BPTF: variants seen among roughly 807,000 people sequenced by gnomAD.
BPTF encodes the protein nucleosome-remodeling factor subunit BPTF.
In BPTF, 18 loss-of-function variants were observed where a neutral mutation model predicts 292.5. The observed-to-expected ratio is 0.06, with a 90% CI of 0.04 to 0.09. The LOEUF (loss-of-function observed/expected upper bound fraction) is 0.09, where lower values mean the gene tolerates loss of function less well. Ranked by LOEUF, BPTF falls within the 10% of genes least tolerant of loss-of-function variation. The pLI, the probability that BPTF is intolerant of heterozygous loss-of-function variation, is 1.00. For missense variants in BPTF, 2,726 were observed against 3,498.7 expected (o/e 0.78, Z 5.57); for synonymous variants, 1,225 against 1,251.9 (o/e 0.98, Z 0.45).
intron 6 of BPTF, 85 bp from the exon 7 acceptor site, chr17:67,893,949 G>T: frequency 6.6e-7 from 1 of 1,514,636 alleles, no homozygotes. Flanking sequence ...CCTGGAATCA[G>T]ATGGAGGCCA....
intron 19 of BPTF, among the ~76,000 whole-genome samples, chr17:67,942,452 A>G (rs1451541132): frequency 6.6e-6 from 1 of 152,252 alleles, no homozygotes; most frequent in Non-Finnish European, 1.5e-5. Flanking sequence ...AGAGATTGGT[A>G]CAAATTTAAA....
At chr17:67,907,358 C>CTT (rs752361872) in intron 9 of BPTF, among the ~76,000 whole-genome samples, 8 of 135,144 alleles carry the variant, frequency 5.9e-5, no homozygotes, top group African/African-American at 8.1e-5. Context: ...AAGTTTATCA[C>CTT]TTTTTTTTTT....
intron 3 of BPTF, among the ~76,000 whole-genome samples, chr17:67,872,662 C>T (rs1037923628): frequency 2.0e-5 from 3 of 151,576 alleles, no homozygotes; most frequent in Non-Finnish European, 2.9e-5. Context: ...GTCGAGATCA[C>T]GCCACTGCAC....
Position 67,874,978 on chromosome 17 carries a change from G to A in BPTF, c.1822G>A (p.Asp608Asn), listed in dbSNP as rs754868273. ...EDQSLEKDSDDKTPDDDPEQG... is the reference protein window; with the variant it reads ...EDQSLEKDSDNKTPDDDPEQG... Reference sequence around the variant, plus strand: ...CCAGTCCCTTGAAAAAGACAGTGACGACAAAACACCAGATGATGACCCTGA... The same window carrying A: ...CCAGTCCCTTGAAAAAGACAGTGACAACAAAACACCAGATGATGACCCTGA... Residue 608 changes from aspartate to asparagine, a missense_variant, in exon 4 of 28, where the codon GAC (aspartate) becomes AAC (asparagine). Around this residue, in one of 22 missense-constraint regions of BPTF, gnomAD observed 187 missense variants for 201.5 expected, o/e 0.93. Transcript: ENST00000306378. The A allele has an allele frequency of 9.3e-6, 15 of 1,613,530 alleles. No individual in the cohort carries two copies. Among genetic ancestry groups the A allele is most frequent in the Admixed American group, 1.7e-5 (1 of 59,964 alleles).
At chr17:67,976,121 A>G (rs2069381927) in intron 27 of BPTF, 163 bp downstream of exon 27, 1 of 526,934 alleles carries the variant, frequency 1.9e-6, no homozygotes, top group Non-Finnish European at 3.0e-6. Context: ...TCTACTGCCA[A>G]GGAGAAGTGG....
intron 26 of BPTF, among the ~76,000 whole-genome samples, chr17:67,970,104 A>G (rs1044785810): frequency 2.6e-5 from 4 of 151,916 alleles, no homozygotes; most frequent in Non-Finnish European, 4.4e-5. Flanking sequence ...GTGGTGGCAC[A>G]TGCCTGTAAT....
chr17:67,923,017 G>T (rs1372154968), intron 14 of BPTF, 27 bp downstream of exon 14: 1 of 1,582,934 alleles, frequency 6.3e-7, no homozygotes, highest in East Asian at 2.2e-5. Flanking sequence ...TACCTGGTCA[G>T]CTATTTGAAG....
At chr17:67,838,484 CT>C (rs796706461) in intron 1 of BPTF, among the ~76,000 whole-genome samples, 7 of 149,688 alleles carry the variant, frequency 4.7e-5, no homozygotes, top group African/African-American at 2.4e-5. Flanking sequence ...TATGTACATA[CT>C]TTTTTTTTTG....
At position 67,911,206 on chromosome 17, in the gene BPTF, A is replaced by T; in HGVS notation, c.3322A>T (p.Ile1108Leu). The change falls in exon 11 of 28, where the codon ATA becomes TTA. Residue 1108 changes from isoleucine (I) to leucine (L), a missense_variant. Transcript: ENST00000306378. The part of the protein sequence containing the change: ...SSKNLSESPV[I>L]TKAKEGCQSD... Reference sequence around the variant, plus strand: ...AAAAAATCTCTCTGAATCACCAGTAATAACGAAAGCAAAAGAAGGGTGTCA... The same window carrying T: ...AAAAAATCTCTCTGAATCACCAGTATTAACGAAAGCAAAAGAAGGGTGTCA... 6.2e-7 allele frequency: 1 copy of T among 1,613,988 alleles called. No individual in the cohort carries two copies. The highest frequency in any genetic ancestry group is 8.5e-7 in the Non-Finnish European group (1 of 1,179,972).
intron 12 of BPTF, among the ~76,000 whole-genome samples, chr17:67,919,546 A>C (rs2063298844): frequency 6.6e-6 from 1 of 152,134 alleles, no homozygotes; most frequent in Admixed American, 6.6e-5. Context: ...CTCTTAAAAA[A>C]AATTTTTTTT....
intron 27 of BPTF, 73 bp downstream of exon 27, chr17:67,976,031 C>A: frequency 1.7e-6 from 2 of 1,196,860 alleles, no homozygotes; most frequent in South Asian, 1.7e-5. Context: ...TCTAACGATT[C>A]AACCAGTGCA....
At chr17:67,978,304 A>AT (rs1371059667) in intron 27 of BPTF, among the ~76,000 whole-genome samples, 5,730 of 37,340 alleles carry the variant, frequency 0.15, 158 homozygotes, top group South Asian at 0.35. Flanking sequence ...ATATATATAT[A>AT]TATATTTTTT....
Position 67,892,019 on chromosome 17 carries a change from T to C in BPTF, c.2040T>C (p.Phe680=), listed in dbSNP as rs758596421. 6 of 1,598,344 alleles carry C rather than the reference T, an allele frequency of 3.8e-6. No individual in the cohort carries two copies. In the East Asian group the frequency reaches 1.4e-4, roughly 37 times the overall value. ...CTGCACATGAAGCAAATAAATTATT[T>C]AAGGAGGGCAAAGAGGTGTGTTCTT... ...AAAAHEANKL[F]KEGKEVLVVN... Residue 680 remains phenylalanine, a synonymous_variant, in exon 5 of 28, where the codon TTT becomes TTC. Transcript: ENST00000306378.
Position 67,854,644 on chromosome 17 carries a change from C to T in BPTF, c.1318C>T (p.Pro440Ser). The part of the protein sequence containing the change: ...QCEVCVAHKV[P>S]GVTDCVAEIQ... The stretch of plus-strand genomic sequence containing the variant: ...TGAAGTCTGTGTAGCACACAAGGTG[C>T]CTGGTGTGACTGACTGTGTTGCTGA... Residue 440 changes from proline to serine, a missense_variant, in exon 2 of 28, where the codon CCT becomes TCT. By Grantham distance (74) the Pro-to-Ser change is moderately conservative (BLOSUM62 -1). Coordinates refer to ENST00000306378, the MANE Select transcript of BPTF (RefSeq NM_182641.4). This position sits in a 1 kb window ranked among gnomAD's most constrained non-coding sequence, Gnocchi z 5.6. The T allele has an allele frequency of 6.2e-7, 1 of 1,614,122 alleles. No individual in the cohort carries two copies. Among genetic ancestry groups the T allele is most frequent in the Non-Finnish European group, 8.5e-7 (1 of 1,180,016 alleles).
chr17:67,902,512 TC>T (rs1326374494), intron 7 of BPTF, among the ~76,000 whole-genome samples: 1 of 152,152 alleles, frequency 6.6e-6, no homozygotes. Flanking sequence ...GTACATTAGC[TC>T]CCAGTGAGGA....
At chr17:67,917,971 C>G (rs1033863453) in intron 11 of BPTF, among the ~76,000 whole-genome samples, 1 of 152,168 alleles carries the variant, frequency 6.6e-6, no homozygotes. Context: ...ACCACCGCGC[C>G]TGGCTAATTT....
rs75409098 is a variant in BPTF, at chr17:67,860,211, T to A, written c.1436+5449T>A. ...AAGTAGGAAACTTTAAACATAGTGA[T>A]ATGTGTCAACAATTTTGACAAATCT... On this transcript the variant is annotated intron_variant, in intron 2 of 27. Coordinates refer to ENST00000306378, the MANE Select transcript of BPTF (RefSeq NM_182641.4). Among the ~76,000 whole-genome samples, 134 of 152,352 alleles carry A rather than the reference T, an allele frequency of 8.8e-4. 1 individual carries two copies. In the East Asian group the frequency reaches 0.023, roughly 26 times the overall value.
At chr17:67,880,980 C>T (rs1057202086) in intron 4 of BPTF, among the ~76,000 whole-genome samples, 4 of 139,394 alleles carry the variant, frequency 2.9e-5, no homozygotes, top group East Asian at 2.0e-4. Context: ...CACACACACA[C>T]GTATATATAT....
chr17:67,838,480 C>T (rs141357727), intron 1 of BPTF, among the ~76,000 whole-genome samples: 9 of 151,974 alleles, frequency 5.9e-5, no homozygotes, highest in Non-Finnish European at 1.0e-4. Flanking sequence ...TGTGTATGTA[C>T]ATACTTTTTT....
Sources: gnomAD v4.1 joint callset for allele counts (sites outside exome capture counted in the v4.1 genomes callset) on GRCh38, gnomAD v4.1.1 for gene constraint, gnomAD v4.1.1 regional missense constraint, Gnocchi (gnomAD v3.1) non-coding constraint, MANE v1.5 for transcripts, NCBI Gene and HGNC (gene_info 2026-07-23, HGNC 2026-07-21) for gene names.